The following CSMD1 variants were observed in gnomAD, a reference collection of about 807,000 sequenced individuals.
CSMD1 encodes the protein CUB and Sushi multiple domains 1.
A neutral mutation model predicts 417.5 loss-of-function variants in CSMD1; 213 were observed. The ratio of observed to expected loss-of-function variants is 0.51; its 90% CI spans 0.46 to 0.57. CSMD1 has a LOEUF of 0.57. Among genes scored for constraint, CSMD1 ranks in the 20% least tolerant of loss-of-function variants. The pLI is 0.00. For missense variants in CSMD1, 6,923 were observed against 4,529.7 expected, an observed-to-expected ratio of 1.53 and a Z score of -15.17; for synonymous variants, 2,862 against 1,736.8, an observed-to-expected ratio of 1.65 and a Z score of -16.11.
intron 3 of CSMD1, among the ~76,000 whole-genome samples, chr8:4,315,808 T>C (rs1045940460): frequency 7.0e-6 from 1 of 142,674 alleles, no homozygotes; most frequent in African/African-American, 2.5e-5. Context: ...TCAAACTTTT[T>C]TTCTTTATTC....
At chr8:4,392,053 A>G (rs437247) in intron 3 of CSMD1, among the ~76,000 whole-genome samples, 2 of 152,164 alleles carry the variant, frequency 1.3e-5, no homozygotes, top group African/African-American at 4.8e-5. Flanking sequence ...GGGCAATGCG[A>G]CCCTGTGGGA....
intron 1 of CSMD1, among the ~76,000 whole-genome samples, chr8:4,928,395 T>C (rs138715108): frequency 1.3e-5 from 2 of 152,330 alleles, no homozygotes; most frequent in African/African-American, 4.8e-5. Context: ...ATGCAAGAGC[T>C]GGGGCTTTCC....
At chr8:4,964,688 G>T (rs894479332) in intron 1 of CSMD1, among the ~76,000 whole-genome samples, 3 of 151,970 alleles carry the variant, frequency 2.0e-5, no homozygotes, top group African/African-American at 4.8e-5. Context: ...CCATTCTCCA[G>T]GTTCCAGAAA....
At chr8:4,438,681 T>C (rs897911591) in intron 2 of CSMD1, among the ~76,000 whole-genome samples, 3 of 152,236 alleles carry the variant, frequency 2.0e-5, no homozygotes, top group Non-Finnish European at 4.4e-5. Context: ...GAGCCACTTA[T>C]GCAAACTCTT....
At chr8:3,769,167 C>G (rs1798444493) in intron 5 of CSMD1, among the ~76,000 whole-genome samples, 1 of 152,216 alleles carries the variant, frequency 6.6e-6, no homozygotes, top group Non-Finnish European at 1.5e-5. Flanking sequence ...ACAATTTCCC[C>G]TTGCCATGAT....
At chr8:3,501,722 G>A (rs137933180) in intron 10 of CSMD1, among the ~76,000 whole-genome samples, 15 of 152,024 alleles carry the variant, frequency 9.9e-5, no homozygotes, top group African/African-American at 3.6e-4. Context: ...GTTTATGTCT[G>A]GAAATTATTA....
chr8:3,151,273 G>C (rs1819176957), intron 40 of CSMD1, 124 bp downstream of exon 40: 2 of 633,554 alleles, frequency 3.2e-6, no homozygotes, highest in South Asian at 2.1e-5. Context: ...ATTTAAATCT[G>C]TACGCCACTT....
intron 5 of CSMD1, among the ~76,000 whole-genome samples, chr8:3,915,634 ATAATT>A (rs1210156723): frequency 6.6e-6 from 1 of 151,472 alleles, no homozygotes; most frequent in Non-Finnish European, 1.5e-5. Flanking sequence ...ATAATTATAT[ATAATT>A]TAACAGAACC....
chr8:3,544,646 C>G (rs1017390164), intron 10 of CSMD1, among the ~76,000 whole-genome samples: 3 of 152,180 alleles, frequency 2.0e-5, no homozygotes, highest in Non-Finnish European at 4.4e-5. Flanking sequence ...TCCAATCTGA[C>G]AGCTTGGCCA....
At chr8:4,155,840 A>G (rs1251401248) in intron 3 of CSMD1, among the ~76,000 whole-genome samples, 1 of 152,186 alleles carries the variant, frequency 6.6e-6, no homozygotes, top group Non-Finnish European at 1.5e-5. Flanking sequence ...ATCCTCTTAA[A>G]TAAGGCAAAA....
chr8:4,399,031 T>A (rs1328137628), intron 3 of CSMD1, among the ~76,000 whole-genome samples: 5 of 152,208 alleles, frequency 3.3e-5, no homozygotes, highest in Admixed American at 2.6e-4. Context: ...TAAATAAGTA[T>A]GAGACAAGTG....
rs1803598794 is a variant in CSMD1, at chr8:2,962,647, A to C, written c.9455-8T>G. The C allele has an allele frequency of 1.9e-6, 3 of 1,611,784 alleles. No homozygotes were observed. Among genetic ancestry groups the C allele is most frequent in the Non-Finnish European group, 2.5e-6 (3 of 1,178,562 alleles). The stretch of plus-strand genomic sequence containing the variant: ...GGTCTCCGCAGAACACAGCTATGGA[A>C]GATAACCAGGAAGAAGTCAGCCTTC... On this transcript the variant is annotated splice_region_variant and splice_polypyrimidine_tract_variant and intron_variant, in intron 60 of 69. Transcript: ENST00000635120.
At chr8:3,936,199 G>T (rs1229362103) in intron 5 of CSMD1, among the ~76,000 whole-genome samples, 2 of 143,266 alleles carry the variant, frequency 1.4e-5, no homozygotes, top group African/African-American at 5.1e-5. Flanking sequence ...AAAAAAAAAA[G>T]CCATCTGCGT....
chr8:3,696,375 G>A (rs893274706), intron 7 of CSMD1, among the ~76,000 whole-genome samples: 2 of 152,072 alleles, frequency 1.3e-5, no homozygotes, highest in African/African-American at 4.8e-5. Context: ...TTGACTTGTC[G>A]TATACTTTCA....
chr8:3,862,033 C>A (rs1264151615), intron 5 of CSMD1, among the ~76,000 whole-genome samples: 1 of 152,184 alleles, frequency 6.6e-6, no homozygotes, highest in African/African-American at 2.4e-5. Flanking sequence ...CATGCCCCAA[C>A]CATTGCTTGC....
intron 5 of CSMD1, among the ~76,000 whole-genome samples, chr8:3,784,986 C>T (rs1028158987): frequency 6.6e-6 from 1 of 152,130 alleles, no homozygotes; most frequent in South Asian, 2.1e-4. Flanking sequence ...TAAAATGTCT[C>T]TCATGTCAGA....
chr8:3,174,950 A>G (rs966791688), intron 37 of CSMD1, among the ~76,000 whole-genome samples: 1 of 152,176 alleles, frequency 6.6e-6, no homozygotes, highest in Non-Finnish European at 1.5e-5. Flanking sequence ...TGTTCATGAC[A>G]TATTTTTTCA....
At chr8:4,884,506 AT>A (rs1466833336) in intron 1 of CSMD1, among the ~76,000 whole-genome samples, 1 of 151,934 alleles carries the variant, frequency 6.6e-6, no homozygotes, top group Non-Finnish European at 1.5e-5. Context: ...GGATTTTATA[AT>A]TTTAGCTCTT....
At chr8:3,991,617 C>G (rs940153) in intron 5 of CSMD1, among the ~76,000 whole-genome samples, 68,208 of 151,934 alleles carry the variant, frequency 0.45, 15,317 homozygotes, top group East Asian at 0.53. Context: ...ACAGAGATGA[C>G]TACAAATTAG....
Sources: gnomAD v4.1 joint callset for allele counts (sites outside exome capture counted in the v4.1 genomes callset) on GRCh38, gnomAD v4.1.1 for gene constraint, MANE v1.5 for transcripts, NCBI Gene and HGNC (gene_info 2026-07-23, HGNC 2026-07-21) for gene names.